CMTM3: variants seen among roughly 807,000 people sequenced by gnomAD.
CMTM3 encodes the protein CKLF like MARVEL transmembrane domain containing 3.
Under a neutral mutation model 18.2 loss-of-function variants are expected in CMTM3, and 7 were observed. The ratio of observed to expected loss-of-function variants is 0.38; its 90% CI spans 0.22 to 0.72. CMTM3 has a LOEUF of 0.72. CMTM3 is among the 30% of genes least tolerant of loss of function. The pLI is 0.46. For missense variants in CMTM3, 227 were observed against 249.2 expected (o/e 0.91, Z 0.60); for synonymous variants, 109 against 111.2 (o/e 0.98, Z 0.12).
Position 66,608,462 on chromosome 16 carries a change from ATGG to A in CMTM3, c.303+1_303+3del, listed in dbSNP as rs765251652. The A allele has an allele frequency of 1.2e-6, 2 of 1,613,800 alleles. No homozygotes were observed. The highest frequency in any genetic ancestry group is 3.3e-5 in the Admixed American group (2 of 60,016). On this transcript the variant is annotated splice_donor_variant and coding_sequence_variant, in exon 2 of 5. Coordinates refer to ENST00000567572, the MANE Select transcript of CMTM3 (RefSeq NM_181553.4). LOFTEE classifies it high-confidence loss of function. This position sits in a 1 kb window ranked among gnomAD's most constrained non-coding sequence, Gnocchi z 5.1. Reference sequence around the variant, plus strand: ...GTGGCAGGGCTTGTGCTGGCCCATGATGGTGAGGACAGGGGCCCCAGGAGGGAG... The same window carrying A: ...GTGGCAGGGCTTGTGCTGGCCCATGATGAGGACAGGGGCCCCAGGAGGGAG...
At position 66,605,052 on chromosome 16, in the gene CMTM3, C is replaced by A; in HGVS notation, c.147+100C>A. The stretch of plus-strand genomic sequence containing the variant: ...GTGGGGTCCGGGGGCGGCCGCCGTG[C>A]TCCGATACCCCCTCTCCGCGCCGCC... On this transcript the variant is annotated intron_variant, in intron 1 of 4. Transcript: ENST00000567572. The surrounding 1 kb of genome is among the most constrained non-coding windows in gnomAD (Gnocchi z 4.6). 2.8e-6 allele frequency: 3 copies of A among 1,087,490 alleles called. No homozygotes were observed. The highest frequency in any genetic ancestry group is 3.6e-6 in the Non-Finnish European group (3 of 828,222). 67.4% of individuals were successfully genotyped at this position (1,087,490 alleles called of 1,614,324 possible). A position where few individuals can be genotyped will look rare whatever the true frequency, so the allele number is the denominator to read the frequency against.
chr16:66,608,585 G>A lies in CMTM3; in HGVS notation c.303+121G>A. ...GTGTGCTGGAGTTTGCAGTTGGTTA[G>A]AACTGGATGGAGAGACCCAGCTTCA... On this transcript the variant is annotated intron_variant, in intron 2 of 4. Coordinates refer to ENST00000567572, the MANE Select transcript of CMTM3 (RefSeq NM_181553.4). The surrounding 1 kb of genome is among the most constrained non-coding windows in gnomAD (Gnocchi z 5.1). 1.1e-6 allele frequency: 1 copy of A among 949,390 alleles called. No individual in the cohort carries two copies. The highest frequency in any genetic ancestry group is 1.6e-5 in the South Asian group (1 of 61,608). 58.8% of individuals were successfully genotyped at this position (949,390 alleles called of 1,614,324 possible). A position where few individuals can be genotyped will look rare whatever the true frequency, so the allele number is the denominator to read the frequency against.
chr16:66,606,385 T>C (rs956365113), intron 1 of CMTM3, among the ~76,000 whole-genome samples: 6 of 152,066 alleles, frequency 3.9e-5, no homozygotes, highest in African/African-American at 1.4e-4. Flanking sequence ...GTCAGTCCCA[T>C]GGAAGGCCTT....
upstream of CMTM3, chr16:66,604,677 G>A: frequency 2.9e-6 from 2 of 681,354 alleles, no homozygotes; most frequent in Non-Finnish European, 4.0e-6. Context: ...GGGGCGTGGC[G>A]GCGGGGGATG....
chr16:66,612,984 C>T lies in CMTM3; in HGVS notation c.*347C>T. The T allele has an allele frequency of 1.4e-6, 1 of 696,374 alleles. No individual in the cohort carries two copies. The highest frequency in any genetic ancestry group is 2.6e-6 in the Non-Finnish European group (1 of 380,898). 43.1% of individuals were successfully genotyped at this position (696,374 alleles called of 1,614,324 possible). ...TCTGGGCAGCAGGTGTTCCATGCTG[C>T]TAGGTGGCGGGGGTCGGGGGTCTTC... On this transcript the variant is annotated 3_prime_UTR_variant, in exon 5 of 5. Transcript: ENST00000567572. This position sits in a 1 kb window ranked among gnomAD's most constrained non-coding sequence, Gnocchi z 6.0.
rs2015278932 is a variant in CMTM3, at chr16:66,609,295, G to A, written c.304-140G>A. On this transcript the variant is annotated intron_variant, in intron 2 of 4. Coordinates refer to ENST00000567572, the MANE Select transcript of CMTM3 (RefSeq NM_181553.4). The surrounding 1 kb of genome is among the most constrained non-coding windows in gnomAD (Gnocchi z 4.4). ...ACCTCGGGGGTGGGACAAGGGCCTA[G>A]GCATGTGGGTGGGGCCAGGATGGGA... is the stretch of plus-strand genomic sequence containing the variant. 1 of 687,392 alleles carries A rather than the reference G, an allele frequency of 1.5e-6. No homozygotes were observed. Among genetic ancestry groups the A allele is most frequent in the South Asian group, 1.7e-5 (1 of 57,190 alleles). 42.6% of individuals were successfully genotyped at this position (687,392 alleles called of 1,614,324 possible).
chr16:66,612,467 G>T lies in CMTM3; in HGVS notation c.521-142G>T, dbSNP rs940614254. 1.3e-6 allele frequency: 1 copy of T among 765,482 alleles called. No homozygotes were observed. Among genetic ancestry groups the T allele is most frequent in the Admixed American group, 2.7e-5 (1 of 36,884 alleles). 47.4% of individuals were successfully genotyped at this position (765,482 alleles called of 1,614,324 possible). A position where few individuals can be genotyped will look rare whatever the true frequency, so the allele number is the denominator to read the frequency against. On this transcript the variant is annotated intron_variant, in intron 4 of 4. Transcript: ENST00000567572. This position sits in a 1 kb window ranked among gnomAD's most constrained non-coding sequence, Gnocchi z 6.0. ...GCCCGCGGCCTGCCCTGATGCCAGCGATCACTGGGAACGGTAGAGTCAGCT... is the reference window on the plus strand; with the variant it reads ...GCCCGCGGCCTGCCCTGATGCCAGCTATCACTGGGAACGGTAGAGTCAGCT...
rs1054810969 is a variant in CMTM3 at position 66,610,206 on chromosome 16, T to G, written c.520+203T>G. On this transcript the variant is annotated intron_variant, in intron 4 of 4. Transcript: ENST00000567572. This position sits in a 1 kb window ranked among gnomAD's most constrained non-coding sequence, Gnocchi z 4.6. Reference sequence around the variant, plus strand: ...CGCCTCGTGCACCCTCACCCCAGCCTTTCTAGGAGGGGCAAGCAGTGGGCA... The same window carrying G: ...CGCCTCGTGCACCCTCACCCCAGCCGTTCTAGGAGGGGCAAGCAGTGGGCA... 2 of 668,152 alleles carry G rather than the reference T, an allele frequency of 3.0e-6. No homozygotes were observed. Among genetic ancestry groups the G allele is most frequent in the East Asian group, 2.8e-5 (1 of 36,180 alleles). 41.4% of individuals were successfully genotyped at this position (668,152 alleles called of 1,614,324 possible).
At position 66,604,936 on chromosome 16, in the gene CMTM3, T is replaced by C; in HGVS notation, c.131T>C (p.Leu44Pro). The C allele has an allele frequency of 6.7e-7, 1 of 1,501,658 alleles. No individual in the cohort carries two copies. Among genetic ancestry groups the C allele is most frequent in the Non-Finnish European group, 8.8e-7 (1 of 1,135,686 alleles). 93.0% of individuals were successfully genotyped at this position (1,501,658 alleles called of 1,614,324 possible). The change falls in exon 1 of 5, where the codon CTC becomes CCC. Residue 44 changes from leucine to proline, a missense_variant. Coordinates refer to ENST00000567572, the MANE Select transcript of CMTM3 (RefSeq NM_181553.4). ...RAFLCSLKGR[L>P]LLAESGLSFI... ...TTCCTCTGCTCTCTCAAAGGCCGCC[T>C]CCTGCTGGCCGAGTCGGTGAGTGCG...
rs555109427 is a variant in CMTM3 at position 66,608,727 on chromosome 16, C to T, written c.303+263C>T. On this transcript the variant is annotated intron_variant, in intron 2 of 4. Coordinates refer to ENST00000567572, the MANE Select transcript of CMTM3 (RefSeq NM_181553.4). The surrounding 1 kb of genome is among the most constrained non-coding windows in gnomAD (Gnocchi z 5.1). Reference sequence around the variant, plus strand: ...GGGGTCTCTGGCCACCAGGTGGCGCCGGTGCTCCCCACCGGGCCTACAGGA... The same window carrying T: ...GGGGTCTCTGGCCACCAGGTGGCGCTGGTGCTCCCCACCGGGCCTACAGGA... 2.1e-4 allele frequency among the ~76,000 whole-genome samples: 32 copies of T among 152,248 alleles called. No homozygotes were observed. The South Asian group carries it at 6.2e-3, about 30-fold the overall frequency.
rs1470083178 is a variant in CMTM3, at chr16:66,605,745, A to T, written c.147+793A>T. 6.6e-6 allele frequency among the ~76,000 whole-genome samples: 1 copy of T among 152,146 alleles called. No homozygotes were observed. On this transcript the variant is annotated intron_variant, in intron 1 of 4. Coordinates refer to ENST00000567572, the MANE Select transcript of CMTM3 (RefSeq NM_181553.4). This position sits in a 1 kb window ranked among gnomAD's most constrained non-coding sequence, Gnocchi z 4.6. ...TGAGAGCGCTCAGGCGCCTGATTTG[A>T]CAGGTGGCTCAACTGAGGGGCCCAG...
In CMTM3 at chr16:66,609,774, A is replaced by ACTCG. The variant is rs1567395006; in HGVS notation, c.400-108_400-105dup. The ACTCG allele has an allele frequency of 2.5e-6, 4 of 1,606,926 alleles. No homozygotes were observed. The South Asian group carries it at 4.4e-5, about 18-fold the overall frequency. ...TTACTCACAGGGGTCTGTGCCTGACACTCGGGCTGTTTGTCCAAGCAGATC... is the reference window on the plus strand; with the variant it reads ...TTACTCACAGGGGTCTGTGCCTGACACTCGCTCGGGCTGTTTGTCCAAGCAGATC... On this transcript the variant is annotated intron_variant, in intron 3 of 4. Transcript: ENST00000567572. This position sits in a 1 kb window ranked among gnomAD's most constrained non-coding sequence, Gnocchi z 4.4.
In CMTM3 at chr16:66,608,168, C is replaced by A; in HGVS notation, c.148-141C>A. ...GCCTGGGATTCTAATCTGGCTCTGC[C>A]ACTTCCCAGCTGCGGGACTGTGAGC... On this transcript the variant is annotated intron_variant, in intron 1 of 4. Transcript: ENST00000567572. The surrounding 1 kb of genome is among the most constrained non-coding windows in gnomAD (Gnocchi z 5.1). 1 of 859,946 alleles carries A rather than the reference C, an allele frequency of 1.2e-6. No individual in the cohort carries two copies. The highest frequency in any genetic ancestry group is 1.8e-6 in the Non-Finnish European group (1 of 542,384). The allele number at this position is 859,946 out of a possible 1,614,324, so 53.3% of individuals were successfully genotyped here.
Position 66,609,681 on chromosome 16 carries a change from C to T in CMTM3, c.399+151C>T. 6.5e-7 allele frequency: 1 copy of T among 1,538,824 alleles called. No homozygotes were observed. Among genetic ancestry groups the T allele is most frequent in the Non-Finnish European group, 8.8e-7 (1 of 1,142,064 alleles). ...GATTCCAAAGTCCTCTCATTAAAGACTGACTCTACCCGGGGTTTTGAAAGG... is the reference window on the plus strand; with the variant it reads ...GATTCCAAAGTCCTCTCATTAAAGATTGACTCTACCCGGGGTTTTGAAAGG... On this transcript the variant is annotated intron_variant, in intron 3 of 4. Transcript: ENST00000567572. The surrounding 1 kb of genome is among the most constrained non-coding windows in gnomAD (Gnocchi z 4.4).
In CMTM3 at chr16:66,606,976, G is replaced by A. The variant is rs140845583; in HGVS notation, c.148-1333G>A. The stretch of plus-strand genomic sequence containing the variant: ...GCCACTGCACTCCAGCCTGGGAGAC[G>A]GAGCAAGACTCCATCTCTGGGGCGG... On this transcript the variant is annotated intron_variant, in intron 1 of 4. Coordinates refer to ENST00000567572, the MANE Select transcript of CMTM3 (RefSeq NM_181553.4). Among the ~76,000 whole-genome samples the A allele has an allele frequency of 2.0e-3, 305 of 152,292 alleles. 3 individuals are homozygous for A. Among genetic ancestry groups the A allele is most frequent in the African/African-American group, 6.6e-3 (274 of 41,580 alleles).
rs890943696 is a variant in CMTM3, at chr16:66,609,506, G to A, written c.375G>A (p.Ser125=). Residue 125 remains serine, a synonymous_variant, in exon 3 of 5, where the codon TCG becomes TCA. Coordinates refer to ENST00000567572, the MANE Select transcript of CMTM3 (RefSeq NM_181553.4). The surrounding 1 kb of genome is among the most constrained non-coding windows in gnomAD (Gnocchi z 4.4). ...AISITAIAKY[S]DGASKAAGVF... is the part of the protein sequence containing the mutation. ...CCATCACGGCCATCGCCAAGTACTC[G>A]GATGGGGCTTCCAAAGCCGCTGGGG... is the stretch of plus-strand genomic sequence containing the variant. The A allele has an allele frequency of 8.7e-6, 14 of 1,607,034 alleles. No homozygotes were observed. The highest frequency in any genetic ancestry group is 6.7e-5 in the East Asian group (3 of 44,776).
chr16:66,608,919 A>G lies in CMTM3; in HGVS notation c.303+455A>G, dbSNP rs2015262862. Reference sequence around the variant, plus strand: ...CCTCGCTGAATGAAATGTGTCCTAGAGAAAGGGCAGCAAAGGCTCAACTTG... The same window carrying G: ...CCTCGCTGAATGAAATGTGTCCTAGGGAAAGGGCAGCAAAGGCTCAACTTG... On this transcript the variant is annotated intron_variant, in intron 2 of 4. Transcript: ENST00000567572. This position sits in a 1 kb window ranked among gnomAD's most constrained non-coding sequence, Gnocchi z 5.1. 6.6e-6 allele frequency among the ~76,000 whole-genome samples: 1 copy of G among 152,114 alleles called. No individual in the cohort carries two copies. The highest frequency in any genetic ancestry group is 2.4e-5 in the African/African-American group (1 of 41,350).
At chr16:66,606,693 G>C (rs1237910115) in intron 1 of CMTM3, among the ~76,000 whole-genome samples, 1 of 152,148 alleles carries the variant, frequency 6.6e-6, no homozygotes, top group Non-Finnish European at 1.5e-5. Context: ...GGGCCAAGTT[G>C]CTTAAGAACT....
At position 66,610,467 on chromosome 16, in the gene CMTM3, G is replaced by A. The variant is rs1483173807; in HGVS notation, c.520+464G>A. On this transcript the variant is annotated intron_variant, in intron 4 of 4. Transcript: ENST00000567572. This position sits in a 1 kb window ranked among gnomAD's most constrained non-coding sequence, Gnocchi z 4.6. ...CCCGTACCAGGGGAGGGGCCAGATG[G>A]GGCAGCAATGACGACAGTAAAACAG... is the stretch of plus-strand genomic sequence containing the variant. Among the ~76,000 whole-genome samples the A allele has an allele frequency of 6.6e-6, 1 of 152,194 alleles. No individual in the cohort carries two copies. The highest frequency in any genetic ancestry group is 1.5e-5 in the Non-Finnish European group (1 of 68,044).
Sources: allele counts gnomAD v4.1 joint callset (sites outside exome capture counted in the v4.1 genomes callset), GRCh38; gene constraint gnomAD v4.1.1; non-coding constraint Gnocchi (gnomAD v3.1); transcripts MANE v1.5; gene names NCBI Gene and HGNC (gene_info 2026-07-23, HGNC 2026-07-21).